USP14: variants seen among roughly 807,000 people sequenced by gnomAD.
The protein encoded by USP14 is ubiquitin specific peptidase 14, also known as ubiquitin carboxyl-terminal hydrolase 14.
Under a neutral mutation model 76.5 loss-of-function variants are expected in USP14, and 38 were observed. The ratio of observed to expected loss-of-function variants is 0.50; its 90% CI spans 0.38 to 0.65. USP14 has a LOEUF of 0.65. Ranked by LOEUF, USP14 falls within the 30% of genes least tolerant of loss-of-function variation. The pLI is 0.00. For missense variants in USP14, 467 were observed against 586.5 expected (o/e 0.80, Z 2.10); for synonymous variants, 192 against 191.7 (o/e 1.00, Z -0.01).
chr18:188,187 C>T (rs1909985617), intron 5 of USP14, among the ~76,000 whole-genome samples: 1 of 151,838 alleles, frequency 6.6e-6, no homozygotes, highest in South Asian at 2.1e-4. Context: ...TCCTTGTCTT[C>T]TTCCCCTCAG....
rs374905598 is a variant in USP14 at position 192,825 on chromosome 18, G to A, written c.405-17G>A. ...TGAATTGAATTCTATTGTTTAACTC[G>A]GCTTTAATGTTCCTAGGTATGCAGG... On this transcript the variant is annotated splice_polypyrimidine_tract_variant and intron_variant, in intron 5 of 15. Coordinates refer to ENST00000261601, the MANE Select transcript of USP14 (RefSeq NM_005151.4). The A allele has an allele frequency of 1.7e-4, 278 of 1,612,484 alleles. No individual in the cohort carries two copies. Among genetic ancestry groups the A allele is most frequent in the Admixed American group, 3.5e-4 (21 of 59,794 alleles).
chr18:179,251 T>C (rs552849639), intron 4 of USP14, among the ~76,000 whole-genome samples: 1 of 152,286 alleles, frequency 6.6e-6, no homozygotes, highest in East Asian at 1.9e-4. Flanking sequence ...TTTTTTTTTG[T>C]ATTGTACACC....
intron 12 of USP14, 42 bp downstream of exon 12, chr18:203,232 T>A: frequency 6.5e-7 from 1 of 1,533,470 alleles, no homozygotes; most frequent in Non-Finnish European, 9.0e-7. Context: ...TGTAATTCTT[T>A]GAAGGTAATT....
chr18:170,963 T>C (rs1390633519), intron 3 of USP14, among the ~76,000 whole-genome samples: 1 of 146,620 alleles, frequency 6.8e-6, no homozygotes, highest in Non-Finnish European at 1.5e-5. Context: ...ACACAATGTT[T>C]ACCTGTGTAA....
Position 192,860 on chromosome 18 carries a change from AGCTTCAGGGGAAATG to A in USP14, c.431_445del (p.Gly144_Ser148del). ...TTCCTAGGTATGCAGGTGCCTTGAG[AGCTTCAGGGGAAATG>A]GCTTCAGCGCAGTATATTACTGCAG... On this transcript the variant is annotated inframe_deletion, in exon 6 of 16. Coordinates refer to ENST00000261601, the MANE Select transcript of USP14 (RefSeq NM_005151.4). 6.2e-7 allele frequency: 1 copy of A among 1,613,856 alleles called. No homozygotes were observed. The highest frequency in any genetic ancestry group is 8.5e-7 in the Non-Finnish European group (1 of 1,179,884).
At chr18:161,814 A>G (rs1437773938) in intron 1 of USP14, among the ~76,000 whole-genome samples, 1 of 152,240 alleles carries the variant, frequency 6.6e-6, no homozygotes, top group African/African-American at 2.4e-5. Context: ...TTTTAAAAAT[A>G]TATATTTCAA....
intron 5 of USP14, among the ~76,000 whole-genome samples, chr18:190,107 G>C (rs1910045816): frequency 6.6e-6 from 1 of 152,098 alleles, no homozygotes; most frequent in African/African-American, 2.4e-5. Flanking sequence ...CATGTTCTGT[G>C]TATTGGTGGT....
At chr18:164,693 A>T (rs1373094312) in intron 2 of USP14, among the ~76,000 whole-genome samples, 1 of 152,142 alleles carries the variant, frequency 6.6e-6, no homozygotes, top group Admixed American at 6.6e-5. Context: ...ACCTCAAGTG[A>T]TCTGCCCACC....
At chr18:209,544 C>A (rs1266450313) in intron 13 of USP14, among the ~76,000 whole-genome samples, 1 of 152,168 alleles carries the variant, frequency 6.6e-6, no homozygotes, top group African/African-American at 2.4e-5. Context: ...GTGGACATGG[C>A]TCAGGAGGTT....
chr18:195,773 C>A (rs544698789), intron 6 of USP14, among the ~76,000 whole-genome samples: 1 of 152,144 alleles, frequency 6.6e-6, no homozygotes, highest in Non-Finnish European at 1.5e-5. Flanking sequence ...CTATCCTGAT[C>A]TTGGCAGAGT....
intron 5 of USP14, among the ~76,000 whole-genome samples, chr18:181,819 G>C (rs1192650325): frequency 2.6e-5 from 4 of 152,046 alleles, no homozygotes. Context: ...AGGTTACAAA[G>C]ACTTACTTCT....
rs1169541905 is a variant in USP14 at position 163,461 on chromosome 18, G to A, written c.162+8G>A. 3.1e-6 allele frequency: 5 copies of A among 1,599,614 alleles called. No homozygotes were observed. The Middle Eastern group carries it at 5.0e-4, about 160-fold the overall frequency. ...AAAGGAGGAACGCTAAAGGTAAAAT[G>A]TAGTCCAAATTTTCATCACATTACT... On this transcript the variant is annotated splice_region_variant and intron_variant, in intron 2 of 15. Coordinates refer to ENST00000261601, the MANE Select transcript of USP14 (RefSeq NM_005151.4).
rs144625598 is a variant in USP14 at position 175,742 on chromosome 18, C to G, written c.196-3191C>G. Reference sequence around the variant, plus strand: ...TACAGTGAGTTAGGAAGCATCCCCTCTTTTCTGAGTTTGTATTAATATTTT... The same window carrying G: ...TACAGTGAGTTAGGAAGCATCCCCTGTTTTCTGAGTTTGTATTAATATTTT... On this transcript the variant is annotated intron_variant, in intron 3 of 15. Transcript: ENST00000261601. 4.5e-4 allele frequency among the ~76,000 whole-genome samples: 68 copies of G among 152,186 alleles called. 1 individual carries two copies. The East Asian group carries it at 0.011, about 25-fold the overall frequency.
At chr18:166,520 A>G (rs1280326532) in intron 2 of USP14, among the ~76,000 whole-genome samples, 1 of 151,972 alleles carries the variant, frequency 6.6e-6, no homozygotes, top group African/African-American at 2.4e-5. Flanking sequence ...TTTAGTAGAG[A>G]TGGAGTTTCT....
At chr18:192,156 T>TACAGATGAGCAAAC (rs1214963317) in intron 5 of USP14, among the ~76,000 whole-genome samples, 1 of 152,214 alleles carries the variant, frequency 6.6e-6, no homozygotes. Context: ...GGTGTATGAT[T>TACAGATGAGCAAAC]TTTGATTGAA....
At chr18:167,024 C>T (rs1364178556) in intron 3 of USP14, among the ~76,000 whole-genome samples, 1 of 151,610 alleles carries the variant, frequency 6.6e-6, no homozygotes, top group African/African-American at 2.4e-5. Flanking sequence ...TTTCATTGAT[C>T]TAGTAGATTA....
intron 3 of USP14, among the ~76,000 whole-genome samples, chr18:171,195 T>G (rs1389895184): frequency 2.6e-5 from 4 of 151,674 alleles, no homozygotes; most frequent in Non-Finnish European, 5.9e-5. Flanking sequence ...AGATTGTTGA[T>G]GAAGGTAGCT....
intron 12 of USP14, among the ~76,000 whole-genome samples, chr18:204,194 TA>T (rs35327178): frequency 0.014 from 2,049 of 144,374 alleles, 38 homozygotes; most frequent in African/African-American, 0.047. Context: ...GTATTTCAAA[TA>T]AAAAAAAAAA....
intron 5 of USP14, among the ~76,000 whole-genome samples, chr18:181,282 A>G (rs1909782588): frequency 6.6e-6 from 1 of 152,138 alleles, no homozygotes; most frequent in Non-Finnish European, 1.5e-5. Context: ...TGCCACAATG[A>G]TTTTCCAAAG....
Sources: allele counts gnomAD v4.1 joint callset (sites outside exome capture counted in the v4.1 genomes callset), GRCh38; gene constraint gnomAD v4.1.1; transcripts MANE v1.5; gene names NCBI Gene and HGNC (gene_info 2026-07-23, HGNC 2026-07-21).